KCNJ6: variants seen among roughly 807,000 people sequenced by gnomAD.
The protein encoded by KCNJ6 is potassium inwardly rectifying channel subfamily J member 6, also known as G protein-activated inward rectifier potassium channel 2.
In KCNJ6, 9 loss-of-function variants were observed where a neutral mutation model predicts 34.2. That is an observed-to-expected ratio of 0.26 (90% CI 0.16 to 0.46). The LOEUF (loss-of-function observed/expected upper bound fraction) is 0.46. Among genes scored for constraint, KCNJ6 ranks in the 20% least tolerant of loss-of-function variants. The pLI is 1.00. For synonymous variants in KCNJ6, 196 were observed against 207.1 expected (o/e 0.95, Z 0.46); for missense variants, 236 against 531.3 (o/e 0.44, Z 5.46).
chr21:37,784,313 C>T (rs1254392597), intron 2 of KCNJ6, among the ~76,000 whole-genome samples: 1 of 152,146 alleles, frequency 6.6e-6, no homozygotes, highest in African/African-American at 2.4e-5. Context: ...AGTTAAAGTC[C>T]CACCCCAGGC....
intron 3 of KCNJ6, among the ~76,000 whole-genome samples, chr21:37,661,831 TGTTA>T (rs1303104867): frequency 6.0e-5 from 9 of 151,144 alleles, no homozygotes; most frequent in Non-Finnish European, 1.3e-4. Context: ...GGTTTCACCG[TGTTA>T]GTTGGGATGG....
chr21:37,887,051 C>T (rs576197819), intron 1 of KCNJ6, among the ~76,000 whole-genome samples: 7 of 152,136 alleles, frequency 4.6e-5, no homozygotes, highest in Admixed American at 6.5e-5. Context: ...CTCTCCTACC[C>T]TCACCACTGC....
chr21:37,831,629 A>G (rs1186993391), intron 2 of KCNJ6, among the ~76,000 whole-genome samples: 1 of 152,176 alleles, frequency 6.6e-6, no homozygotes, highest in Non-Finnish European at 1.5e-5. Context: ...CCAGAAGTAC[A>G]TGGCAGAAGC....
chr21:37,900,353 GCCA>G (rs2055810611), intron 1 of KCNJ6, among the ~76,000 whole-genome samples: 1 of 152,174 alleles, frequency 6.6e-6, no homozygotes, highest in African/African-American at 2.4e-5. Flanking sequence ...TCACAATGCA[GCCA>G]CCACAATGAT....
chr21:37,719,809 GTCC>G (rs1303413008), intron 2 of KCNJ6, among the ~76,000 whole-genome samples: 1 of 152,200 alleles, frequency 6.6e-6, no homozygotes, highest in Non-Finnish European at 1.5e-5. Context: ...GCGGAGCCTT[GTCC>G]TCGAATCAGT....
intron 2 of KCNJ6, among the ~76,000 whole-genome samples, chr21:37,834,454 G>T (rs2836006): frequency 0.16 from 24,432 of 152,194 alleles, 2,926 homozygotes; most frequent in East Asian, 0.46. Context: ...AAGCTACAGC[G>T]ACTTACAGGA....
At chr21:37,654,141 A>T (rs4239800) in intron 3 of KCNJ6, among the ~76,000 whole-genome samples, 53 of 127,444 alleles carry the variant, frequency 4.2e-4, no homozygotes, top group Non-Finnish European at 7.0e-4. Context: ...TGTGAGCATT[A>T]GGGATCATGG....
Position 37,757,505 on chromosome 21 carries a change from A to T in KCNJ6, c.26-42374T>A, listed in dbSNP as rs1179897443. On this transcript the variant is annotated intron_variant, in intron 2 of 3. Transcript: ENST00000609713. ...GTGATGATTCCAGCCTGGAGTGAGC[A>T]CTCCCTCACAGTGTGATGATTCCAG... is the stretch of plus-strand genomic sequence containing the variant. Among the ~76,000 whole-genome samples, 8 of 146,628 alleles carry T rather than the reference A, an allele frequency of 5.5e-5. 1 individual carries two copies. Among genetic ancestry groups the T allele is most frequent in the Non-Finnish European group, 8.9e-5 (6 of 67,094 alleles).
At chr21:37,817,168 G>A (rs545905442) in intron 2 of KCNJ6, among the ~76,000 whole-genome samples, 14 of 152,282 alleles carry the variant, frequency 9.2e-5, no homozygotes, top group South Asian at 4.1e-4. Flanking sequence ...AAAGCTCTTA[G>A]AACAAAAATG....
At chr21:37,902,372 T>G (rs2055821134) in intron 1 of KCNJ6, among the ~76,000 whole-genome samples, 1 of 152,210 alleles carries the variant, frequency 6.6e-6, no homozygotes, top group African/African-American at 2.4e-5. Flanking sequence ...CTCTTTCCCA[T>G]GTGACATCTC....
At chr21:37,901,465 C>T (rs1454178644) in intron 1 of KCNJ6, among the ~76,000 whole-genome samples, 1 of 152,188 alleles carries the variant, frequency 6.6e-6, no homozygotes, top group Non-Finnish European at 1.5e-5. Flanking sequence ...CACCCCCACA[C>T]ATGTATCTAC....
intron 2 of KCNJ6, among the ~76,000 whole-genome samples, chr21:37,825,260 C>T (rs915156269): frequency 2.0e-5 from 3 of 152,022 alleles, no homozygotes; most frequent in East Asian, 1.9e-4. Context: ...ATTTCTATAC[C>T]GTAGGACATT....
In KCNJ6 at chr21:37,622,177, A is replaced by C. The variant is rs2054291892; in HGVS notation, c.*2982T>G. 1 of 152,234 alleles carries C rather than the reference A, an allele frequency of 6.6e-6. No individual in the cohort carries two copies. The highest frequency in any genetic ancestry group is 2.1e-4 in the South Asian group (1 of 4,834). 9.4% of individuals were successfully genotyped at this position (152,234 alleles called of 1,614,324 possible). ...CATGCTTTATGGAAAAATGACTCAAATACATTAACCAAACAGACCAAAGGA... is the reference window on the plus strand; with the variant it reads ...CATGCTTTATGGAAAAATGACTCAACTACATTAACCAAACAGACCAAAGGA... On this transcript the variant is annotated 3_prime_UTR_variant, in exon 4 of 4. Coordinates refer to ENST00000609713, the MANE Select transcript of KCNJ6 (RefSeq NM_002240.5).
intron 3 of KCNJ6, among the ~76,000 whole-genome samples, chr21:37,648,273 G>A (rs547851065): frequency 3.9e-5 from 6 of 152,328 alleles, no homozygotes; most frequent in South Asian, 2.1e-4. Context: ...GCTGTGGGCC[G>A]TGGAGGGGAG....
intron 2 of KCNJ6, among the ~76,000 whole-genome samples, chr21:37,814,482 A>G (rs2055336635): frequency 6.6e-6 from 1 of 152,230 alleles, no homozygotes. Context: ...TGAAGTGATC[A>G]ATGTTTATTA....
chr21:37,646,831 C>T (rs1031195154), intron 3 of KCNJ6, among the ~76,000 whole-genome samples: 2 of 152,034 alleles, frequency 1.3e-5, no homozygotes, highest in Non-Finnish European at 2.9e-5. Context: ...CCACCACGCC[C>T]GGCTAATTTG....
chr21:37,893,431 C>G (rs2055772452), intron 1 of KCNJ6, among the ~76,000 whole-genome samples: 1 of 152,030 alleles, frequency 6.6e-6, no homozygotes, highest in African/African-American at 2.4e-5. Flanking sequence ...TGGTCTTGAA[C>G]TCCTGACCTT....
In KCNJ6 at chr21:37,611,165, C is replaced by A. The variant is rs926548078; in HGVS notation, c.*13994G>T. 2 of 151,934 alleles carry A rather than the reference C, an allele frequency of 1.3e-5. No individual in the cohort carries two copies. The highest frequency in any genetic ancestry group is 2.9e-5 in the Non-Finnish European group (2 of 67,990). The allele number at this position is 151,934 out of a possible 1,614,324, so 9.4% of individuals were successfully genotyped here. On this transcript the variant is annotated 3_prime_UTR_variant, in exon 4 of 4. Coordinates refer to ENST00000609713, the MANE Select transcript of KCNJ6 (RefSeq NM_002240.5). ...GAGAGCGGGGACGTTACTAGCAATC[C>A]CATGGAGGTTAAAAGGATAATAAAA...
chr21:37,777,031 T>C (rs1037952983), intron 2 of KCNJ6, among the ~76,000 whole-genome samples: 1 of 152,190 alleles, frequency 6.6e-6, no homozygotes, highest in African/African-American at 2.4e-5. Context: ...TCAGAGCCTG[T>C]TATTGGTCTA....
Sources: allele counts gnomAD v4.1 joint callset (sites outside exome capture counted in the v4.1 genomes callset), GRCh38; gene constraint gnomAD v4.1.1; transcripts MANE v1.5; gene names NCBI Gene and HGNC (gene_info 2026-07-23, HGNC 2026-07-21).